PPARGC1A: variants seen among roughly 807,000 people sequenced by gnomAD.
PPARGC1A encodes the protein PPARG coactivator 1 alpha.
In PPARGC1A, 25 loss-of-function variants were observed where a neutral mutation model predicts 88.7. That is an observed-to-expected ratio of 0.28 (90% confidence interval 0.21 to 0.39). The LOEUF (loss-of-function observed/expected upper bound fraction) is 0.39, where lower values mean the gene tolerates loss of function less well. PPARGC1A is among the 10% of genes least tolerant of loss of function. The pLI is 1.00. For missense variants in PPARGC1A, 880 were observed against 968.7 expected, an observed-to-expected ratio of 0.91 and a Z score of 1.22; for synonymous variants, 363 against 355.6, an observed-to-expected ratio of 1.02 and a Z score of -0.24.
chr4:24,263,647 C>T, the PPARGC1A span, among the ~76,000 whole-genome samples: 1 of 152,220 alleles, frequency 6.6e-6, no homozygotes, highest in Non-Finnish European at 1.5e-5. Flanking sequence ...CCAACCTCTC[C>T]TCTTCCTCCT....
chr4:24,072,026 C>T, the PPARGC1A span, among the ~76,000 whole-genome samples: 1 of 151,384 alleles, frequency 6.6e-6, no homozygotes, highest in African/African-American at 2.4e-5. Context: ...TAATGATATA[C>T]ACCTCTAAGA....
the PPARGC1A span, among the ~76,000 whole-genome samples, chr4:24,256,540 G>A: frequency 1.3e-5 from 2 of 152,106 alleles, no homozygotes; most frequent in South Asian, 2.1e-4. Flanking sequence ...CAGCAACTCC[G>A]AAGTAGGTGA....
At chr4:24,323,862 C>G in the PPARGC1A span, among the ~76,000 whole-genome samples, 3 of 152,218 alleles carry the variant, frequency 2.0e-5, no homozygotes, top group East Asian at 1.9e-4. Context: ...ATTTCAAATC[C>G]GGTAAGCGGC....
chr4:24,434,369 T>A, the PPARGC1A span, among the ~76,000 whole-genome samples: 1 of 152,162 alleles, frequency 6.6e-6, no homozygotes, highest in Admixed American at 6.5e-5. Context: ...TGACTCTGAG[T>A]GTCACAGCTA....
rs374643892 is a variant in PPARGC1A at position 23,813,940 on chromosome 4, C to T, written c.1543G>A (p.Glu515Lys). 1.7e-5 allele frequency: 27 copies of T among 1,613,844 alleles called. No individual in the cohort carries two copies. The highest frequency in any genetic ancestry group is 1.0e-4 in the Admixed American group (6 of 60,000). ...LAMDGLFDDSEDESDKLSYPW... is the reference protein window; with the variant it reads ...LAMDGLFDDSKDESDKLSYPW... ...TAGCTCAGTTTATCACTTTCATCTT[C>T]GCTGTCATCAAACAGGCCATCCATG... Residue 515 changes from glutamate (E) to lysine (K), a missense_variant, in exon 8 of 13, where the codon GAA (glutamate) becomes AAA (lysine). Transcript: ENST00000264867.
At chr4:24,174,436 T>C in the PPARGC1A span, among the ~76,000 whole-genome samples, 1 of 152,232 alleles carries the variant, frequency 6.6e-6, no homozygotes, top group African/African-American at 2.4e-5. Context: ...AGGTGATTTA[T>C]AGGAGCAGGA....
At chr4:23,922,028 A>G in the PPARGC1A span, among the ~76,000 whole-genome samples, 2 of 152,350 alleles carry the variant, frequency 1.3e-5, no homozygotes, top group East Asian at 1.9e-4. Flanking sequence ...ATAAAATATT[A>G]TGCATGCTTG....
the PPARGC1A span, among the ~76,000 whole-genome samples, chr4:24,308,470 G>A: frequency 1.3e-5 from 2 of 152,102 alleles, no homozygotes; most frequent in African/African-American, 4.8e-5. Flanking sequence ...TTCAATGTAT[G>A]TTGCACAGAG....
chr4:23,957,471 G>A, the PPARGC1A span, among the ~76,000 whole-genome samples: 7,676 of 152,186 alleles, frequency 0.05, 279 homozygotes, highest in East Asian at 0.15. Flanking sequence ...ATAGGCAATC[G>A]ATTTAGCAGA....
chr4:24,286,126 G>A, the PPARGC1A span, among the ~76,000 whole-genome samples: 1 of 151,906 alleles, frequency 6.6e-6, no homozygotes, highest in Non-Finnish European at 1.5e-5. Context: ...AGCATGTCTC[G>A]GTGGGAAAAT....
chr4:23,955,330 T>C, the PPARGC1A span, among the ~76,000 whole-genome samples: 1 of 152,108 alleles, frequency 6.6e-6, no homozygotes, highest in Non-Finnish European at 1.5e-5. Context: ...TAAAACAACA[T>C]TGATTTATGC....
the PPARGC1A span, among the ~76,000 whole-genome samples, chr4:24,267,624 A>G: frequency 6.6e-6 from 1 of 152,204 alleles, no homozygotes; most frequent in Non-Finnish European, 1.5e-5. Flanking sequence ...TGGAAGCTTC[A>G]TAGGCATGGT....
the PPARGC1A span, among the ~76,000 whole-genome samples, chr4:24,234,471 G>C: frequency 6.6e-6 from 1 of 150,928 alleles, no homozygotes; most frequent in Non-Finnish European, 1.5e-5. Flanking sequence ...TGATACACTG[G>C]CATTACAGGC....
chr4:24,224,020 CA>C, the PPARGC1A span, among the ~76,000 whole-genome samples: 1 of 152,056 alleles, frequency 6.6e-6, no homozygotes, highest in African/African-American at 2.4e-5. Flanking sequence ...GATGATAAGC[CA>C]AAAACTCAAG....
At chr4:24,413,347 C>T in the PPARGC1A span, among the ~76,000 whole-genome samples, 1 of 149,426 alleles carries the variant, frequency 6.7e-6, no homozygotes, top group Admixed American at 6.7e-5. Context: ...TACAGCCAAA[C>T]ACGGGGAAGG....
chr4:24,401,244 T>G, the PPARGC1A span, among the ~76,000 whole-genome samples: 1 of 152,002 alleles, frequency 6.6e-6, no homozygotes, highest in Non-Finnish European at 1.5e-5. Flanking sequence ...GGTCTCGATC[T>G]CCTGACCTCA....
At chr4:24,280,449 C>G in the PPARGC1A span, among the ~76,000 whole-genome samples, 1 of 152,078 alleles carries the variant, frequency 6.6e-6, no homozygotes, top group Non-Finnish European at 1.5e-5. Flanking sequence ...TGTCTCTGCT[C>G]TCCTGTCTCT....
At chr4:24,240,056 C>CA in the PPARGC1A span, among the ~76,000 whole-genome samples, 4 of 152,046 alleles carry the variant, frequency 2.6e-5, no homozygotes, top group African/African-American at 9.7e-5. Context: ...TGCTCTATGT[C>CA]AAAAATGCTT....
upstream of PPARGC1A, among the ~76,000 whole-genome samples, chr4:23,907,227 A>G (rs1027336509): frequency 5.9e-5 from 9 of 152,214 alleles, no homozygotes; most frequent in Non-Finnish European, 7.3e-5. Context: ...ACCTAAAAAA[A>G]CAAACAAGGA....
Sources: gnomAD v4.1 joint callset for allele counts (sites outside exome capture counted in the v4.1 genomes callset) on GRCh38, gnomAD v4.1.1 for gene constraint, MANE v1.5 for transcripts, NCBI Gene and HGNC (gene_info 2026-07-23, HGNC 2026-07-21) for gene names.